TC2N: variants seen among roughly 807,000 people sequenced by gnomAD.
The protein encoded by TC2N is tandem C2 domains nuclear protein.
TC2N carries 51 observed loss-of-function variants against 61.9 expected under a neutral mutation model. That is an observed-to-expected ratio of 0.82 (90% CI 0.66 to 1.04). The LOEUF is 1.04. TC2N is among the 50% of genes least tolerant of loss of function. TC2N has a pLI of 0.00. For missense variants in TC2N, 556 were observed against 566.7 expected, an observed-to-expected ratio of 0.98 and a Z score of 0.19; for synonymous variants, 204 against 192.6, an observed-to-expected ratio of 1.06 and a Z score of -0.49.
rs1885299314 is a variant in TC2N at position 91,785,149 on chromosome 14, A to T, written c.1362+13T>A. On this transcript the variant is annotated intron_variant, in intron 11 of 11. Transcript: ENST00000435962. ...ATAGAAAAATATAAGGAAGGATAAA[A>T]ACTCCTACTAACCTGGCCCACAAAG... 2.5e-6 allele frequency: 4 copies of T among 1,591,936 alleles called. No individual in the cohort carries two copies. In the African/African-American group the frequency reaches 4.0e-5, roughly 16 times the overall value.
chr14:91,785,624 G>A (rs892486132), intron 10 of TC2N, among the ~76,000 whole-genome samples: 1 of 151,952 alleles, frequency 6.6e-6, no homozygotes, highest in African/African-American at 2.4e-5. Flanking sequence ...TGGAAATGGA[G>A]GCATAAACAA....
intron 1 of TC2N, among the ~76,000 whole-genome samples, chr14:91,848,595 C>A (rs1888313980): frequency 6.6e-6 from 1 of 152,194 alleles, no homozygotes; most frequent in Non-Finnish European, 1.5e-5. Context: ...AACCTCCTGA[C>A]ATATGTAAGG....
intron 1 of TC2N, among the ~76,000 whole-genome samples, chr14:91,845,643 A>G (rs1375238582): frequency 1.3e-5 from 2 of 152,228 alleles, no homozygotes; most frequent in Admixed American, 6.5e-5. Context: ...ACTTTGGGTA[A>G]GGGAACATAT....
At chr14:91,827,319 G>C (rs910427557) in intron 1 of TC2N, among the ~76,000 whole-genome samples, 1 of 152,108 alleles carries the variant, frequency 6.6e-6, no homozygotes, top group Non-Finnish European at 1.5e-5. Context: ...GTCTGAAATG[G>C]GTTTCACTGA....
intron 3 of TC2N, among the ~76,000 whole-genome samples, chr14:91,808,587 T>C (rs1595242655): frequency 6.6e-6 from 1 of 152,202 alleles, no homozygotes; most frequent in Non-Finnish European, 1.5e-5. Flanking sequence ...CTTTCTTGAC[T>C]CTAATAAAAG....
At chr14:91,849,351 A>C (rs1888329167) in intron 1 of TC2N, among the ~76,000 whole-genome samples, 1 of 152,228 alleles carries the variant, frequency 6.6e-6, no homozygotes, top group East Asian at 1.9e-4. Flanking sequence ...TAGTGACACA[A>C]GACACTTTGG....
At chr14:91,787,707 A>G in intron 9 of TC2N, 80 bp from the exon 10 acceptor site, 1 of 803,238 alleles carries the variant, frequency 1.2e-6, no homozygotes, top group African/African-American at 1.8e-5. Flanking sequence ...TAAAAAGCTA[A>G]GGTTAGAAAT....
intron 3 of TC2N, among the ~76,000 whole-genome samples, chr14:91,806,090 G>C (rs1033596216): frequency 6.6e-6 from 1 of 150,756 alleles, no homozygotes; most frequent in African/African-American, 2.5e-5. Context: ...TTCCCCTTTT[G>C]CTTGGCTCTC....
intron 4 of TC2N, among the ~76,000 whole-genome samples, chr14:91,801,485 C>T (rs1886246419): frequency 6.6e-6 from 1 of 152,182 alleles, no homozygotes; most frequent in Non-Finnish European, 1.5e-5. Context: ...AAAACCCCAT[C>T]TCTACAAAAA....
Position 91,789,590 on chromosome 14 carries a change from G to A in TC2N, c.1048-1963C>T, listed in dbSNP as rs541566695. ...TGCACCACTGCACTCCAGCCTGGGCGACAGAGAGAGACTCCATCTCAAAAA... is the reference window on the plus strand; with the variant it reads ...TGCACCACTGCACTCCAGCCTGGGCAACAGAGAGAGACTCCATCTCAAAAA... On this transcript the variant is annotated intron_variant, in intron 9 of 11. Transcript: ENST00000435962. 1.5e-4 allele frequency among the ~76,000 whole-genome samples: 22 copies of A among 147,660 alleles called. No individual in the cohort carries two copies. In the South Asian group the frequency reaches 4.3e-3, roughly 29 times the overall value.
At chr14:91,785,422 A>G in intron 10 of TC2N, 61 bp from the exon 11 acceptor site, 1 of 1,220,582 alleles carries the variant, frequency 8.2e-7, no homozygotes, top group East Asian at 2.3e-5. Context: ...AAAGATGTGT[A>G]TATACACATC....
intron 1 of TC2N, among the ~76,000 whole-genome samples, chr14:91,851,790 A>T (rs1306781081): frequency 6.6e-6 from 1 of 152,346 alleles, no homozygotes; most frequent in South Asian, 2.1e-4. Flanking sequence ...TTATGCCACC[A>T]ATGTTTATCC....
chr14:91,810,395 T>C (rs141218299), intron 3 of TC2N, among the ~76,000 whole-genome samples: 58 of 151,260 alleles, frequency 3.8e-4, no homozygotes, highest in African/African-American at 1.3e-3. Context: ...AGAAGAGAAG[T>C]AGGAAGGGAG....
intron 1 of TC2N, among the ~76,000 whole-genome samples, chr14:91,816,859 T>G (rs113527742): frequency 2.0e-5 from 3 of 152,032 alleles, no homozygotes; most frequent in Admixed American, 6.6e-5. Context: ...TATTTTCTAT[T>G]CTCTTCAATT....
chr14:91,802,850 T>C (rs1476944126), intron 3 of TC2N, among the ~76,000 whole-genome samples: 4 of 151,422 alleles, frequency 2.6e-5, no homozygotes, highest in South Asian at 2.1e-4. Context: ...ACTGAAATCA[T>C]ACAAAGTACG....
At chr14:91,828,145 T>G (rs928434954) in intron 1 of TC2N, among the ~76,000 whole-genome samples, 1 of 152,178 alleles carries the variant, frequency 6.6e-6, no homozygotes, top group Non-Finnish European at 1.5e-5. Flanking sequence ...GAAGGTATGT[T>G]GGTAGAAAAC....
chr14:91,844,488 A>T (rs1888226534), intron 1 of TC2N, among the ~76,000 whole-genome samples: 1 of 152,074 alleles, frequency 6.6e-6, no homozygotes, highest in South Asian at 2.1e-4. Flanking sequence ...TATGGGCCCA[A>T]CGTGGTGGCT....
intron 7 of TC2N, 44 bp downstream of exon 7, chr14:91,798,255 A>T: frequency 9.4e-7 from 1 of 1,065,012 alleles, no homozygotes; most frequent in African/African-American, 1.6e-5. Context: ...ATGTCTAAAT[A>T]TTCAATTTTG....
At chr14:91,819,199 G>A (rs1887136961) in intron 1 of TC2N, among the ~76,000 whole-genome samples, 2 of 152,088 alleles carry the variant, frequency 1.3e-5, no homozygotes, top group Non-Finnish European at 1.5e-5. Context: ...GCATGGTGGT[G>A]TGTGCTTGTA....
Sources: gnomAD v4.1 joint callset for allele counts (sites outside exome capture counted in the v4.1 genomes callset) on GRCh38, gnomAD v4.1.1 for gene constraint, MANE v1.5 for transcripts, NCBI Gene and HGNC (gene_info 2026-07-23, HGNC 2026-07-21) for gene names.